The following IFT25 variants were observed in gnomAD, a reference collection of about 807,000 sequenced individuals.
IFT25 encodes intraflagellar transport 25.
the IFT25 span, among the ~76,000 whole-genome samples, chr1:53,918,441 T>G: frequency 6.6e-6 from 1 of 152,306 alleles, no homozygotes; most frequent in African/African-American, 2.4e-5. Context: ...GGAAAAGAAC[T>G]CCGAAGGGTC....
the IFT25 span, chr1:53,940,247 A>G: frequency 1.7e-6 from 1 of 580,246 alleles, no homozygotes; most frequent in Non-Finnish European, 3.0e-6. Context: ...ATGTTTGTTT[A>G]GGTAAGAAAC....
the IFT25 span, among the ~76,000 whole-genome samples, chr1:53,927,726 G>C: frequency 1.6e-4 from 25 of 152,238 alleles, no homozygotes; most frequent in Admixed American, 5.2e-4. Flanking sequence ...GGTTTTGTGT[G>C]GCAAAGTGGC....
the IFT25 span, among the ~76,000 whole-genome samples, chr1:53,934,915 C>T: frequency 1.5e-4 from 23 of 152,352 alleles, no homozygotes; most frequent in East Asian, 4.4e-3. Flanking sequence ...ATGAGAATCA[C>T]TTGAACTCAG....
chr1:53,939,592 A>G, the IFT25 span: 1 of 190,542 alleles, frequency 5.2e-6, no homozygotes, highest in Non-Finnish European at 1.1e-5. Context: ...TTCTGCAAAG[A>G]TATCACTTAG....
At chr1:53,928,429 T>C in the IFT25 span, 3 of 1,611,282 alleles carry the variant, frequency 1.9e-6, no homozygotes, top group Admixed American at 3.3e-5. Context: ...TTTTCAATCT[T>C]CAAGGTCTGT....
At chr1:53,917,810 A>C in the IFT25 span, among the ~76,000 whole-genome samples, 4 of 151,746 alleles carry the variant, frequency 2.6e-5, no homozygotes, top group African/African-American at 9.7e-5. Context: ...CTGGGCAACA[A>C]GAGAGAAACT....
chr1:53,930,210 T>C, the IFT25 span: 2 of 1,420,674 alleles, frequency 1.4e-6, no homozygotes, highest in Admixed American at 2.7e-5. Context: ...TAAAATTTTA[T>C]TGAATACCTG....
At chr1:53,930,533 G>A in the IFT25 span, among the ~76,000 whole-genome samples, 1 of 152,002 alleles carries the variant, frequency 6.6e-6, no homozygotes, top group African/African-American at 2.4e-5. Flanking sequence ...TCTTGCTTCT[G>A]TACCTTAGTT....
At chr1:53,928,553 C>T in the IFT25 span, 1 of 691,832 alleles carries the variant, frequency 1.4e-6, no homozygotes, top group South Asian at 1.9e-5. Context: ...ACACAGAGCA[C>T]TGGGATCAGA....
chr1:53,932,340 A>T, the IFT25 span, among the ~76,000 whole-genome samples: 1 of 152,032 alleles, frequency 6.6e-6, no homozygotes. Flanking sequence ...TCTCAAAAAA[A>T]AAAAAAAGAA....
At chr1:53,914,982 A>G in the IFT25 span, among the ~76,000 whole-genome samples, 3 of 152,244 alleles carry the variant, frequency 2.0e-5, no homozygotes, top group Admixed American at 6.5e-5. Context: ...ATCGCTTTAA[A>G]TAAGTATTTA....
the IFT25 span, chr1:53,929,899 A>C: frequency 1.6e-6 from 2 of 1,289,276 alleles, no homozygotes; most frequent in Admixed American, 8.0e-5. Context: ...CATGCTATAA[A>C]GAAAAACTAG....
At chr1:53,939,390 C>CAA in the IFT25 span, among the ~76,000 whole-genome samples, 17 of 63,032 alleles carry the variant, frequency 2.7e-4, no homozygotes, top group Admixed American at 7.5e-4. Flanking sequence ...GACTCTGTCT[C>CAA]AAAAAAAAAA....
the IFT25 span, chr1:53,939,963 A>C: frequency 7.2e-7 from 1 of 1,386,928 alleles, no homozygotes. Context: ...GACTGTAAAC[A>C]ACAAAGTATA....
At chr1:53,923,698 C>T in the IFT25 span, 11 of 438,036 alleles carry the variant, frequency 2.5e-5, no homozygotes, top group African/African-American at 1.4e-4. Flanking sequence ...TTTATCTTGC[C>T]GTCACTCTCT....
chr1:53,928,330 TCTA>T, the IFT25 span: 2 of 1,409,074 alleles, frequency 1.4e-6, no homozygotes, highest in Non-Finnish European at 2.0e-6. Flanking sequence ...AGGAATATTA[TCTA>T]CTCCTTCATG....
the IFT25 span, among the ~76,000 whole-genome samples, chr1:53,920,824 C>T: frequency 6.6e-6 from 1 of 151,188 alleles, no homozygotes; most frequent in African/African-American, 2.4e-5. Flanking sequence ...AAAACAACAA[C>T]AAAAAGTAAG....
the IFT25 span, chr1:53,928,583 T>C: frequency 1.7e-6 from 1 of 589,182 alleles, no homozygotes; most frequent in Non-Finnish European, 3.0e-6. Context: ...GAAGTTACTC[T>C]GTATGTTTCC....
the IFT25 span, among the ~76,000 whole-genome samples, chr1:53,930,819 C>T: frequency 2.6e-5 from 4 of 152,142 alleles, no homozygotes; most frequent in African/African-American, 9.7e-5. Flanking sequence ...TAGACACATG[C>T]TAAATGTTTG....
Sources: gnomAD v4.1 joint callset for allele counts (sites outside exome capture counted in the v4.1 genomes callset) on GRCh38, gnomAD v4.1.1 for gene constraint, MANE v1.5 for transcripts, NCBI Gene and HGNC (gene_info 2026-07-23, HGNC 2026-07-21) for gene names.